HEBP1: variants seen among roughly 807,000 people sequenced by gnomAD.
The protein encoded by HEBP1 is heme binding protein 1.
A neutral mutation model predicts 20.4 loss-of-function variants in HEBP1; 13 were observed. The ratio of observed to expected loss-of-function variants is 0.64; its 90% CI spans 0.42 to 1.01. The LOEUF (loss-of-function observed/expected upper bound fraction) is 1.01, where lower values mean the gene tolerates loss of function less well. Among genes scored for constraint, HEBP1 ranks in the 50% least tolerant of loss-of-function variants. The probability of loss-of-function intolerance (pLI) is 0.00; values close to 1 mark genes in which losing one functional copy is unlikely to be tolerated. For missense variants in HEBP1, 241 were observed against 247.3 expected, an observed-to-expected ratio of 0.97 and a Z score of 0.17; for synonymous variants, 92 against 90.7, an observed-to-expected ratio of 1.01 and a Z score of -0.08.
chr12:13,000,250 G>A lies in HEBP1; in HGVS notation c.-136C>T. 2.8e-6 allele frequency: 1 copy of A among 362,962 alleles called. No homozygotes were observed. The highest frequency in any genetic ancestry group is 8.3e-5 in the South Asian group (1 of 12,082). 22.5% of individuals were successfully genotyped at this position (362,962 alleles called of 1,614,324 possible). ...GGCGGCAGGGTGGCAGGGCGGCAAG[G>A]CGGCGGGACGGCGAGGCGGCGAGGC... On this transcript the variant is annotated 5_prime_UTR_variant, in exon 1 of 4. Transcript: ENST00000014930.
chr12:12,979,067 ATGT>A lies in HEBP1; in HGVS notation c.399-3591_399-3589del, dbSNP rs1354827310. 3 of 152,186 alleles carry A rather than the reference ATGT, an allele frequency of 2.0e-5. No homozygotes were observed. In the East Asian group the frequency reaches 5.8e-4, roughly 29 times the overall value. The allele number at this position is 152,186 out of a possible 1,614,324, so 9.4% of individuals were successfully genotyped here. On this transcript the variant is annotated intron_variant, in intron 3 of 3. Transcript: ENST00000014930. The stretch of plus-strand genomic sequence containing the variant: ...TGGTAAGAAGTGACATGTGGTAGAG[ATGT>A]TGTGCAAACAGCAGGCCAGAAGCTT...
intron 2 of HEBP1, among the ~76,000 whole-genome samples, chr12:12,987,576 G>A (rs78765118): frequency 0.035 from 5,160 of 146,410 alleles, 273 homozygotes; most frequent in African/African-American, 0.12. Context: ...CAAGACTGTA[G>A]ATTATCAGTC....
chr12:12,975,182 G>A lies in HEBP1; in HGVS notation c.*126C>T, dbSNP rs1345075678. ...TTTTTTCAGAAAATTGGCAGTAACT[G>A]ACTTTGAAGGAAAGTTGGTTAAGTT... On this transcript the variant is annotated 3_prime_UTR_variant, in exon 4 of 4. Coordinates refer to ENST00000014930, the MANE Select transcript of HEBP1 (RefSeq NM_015987.5). The A allele has an allele frequency of 1.2e-5, 10 of 845,270 alleles. No individual in the cohort carries two copies. In the South Asian group the frequency reaches 1.5e-4, roughly 13 times the overall value. 52.4% of individuals were successfully genotyped at this position (845,270 alleles called of 1,614,324 possible).
intron 3 of HEBP1, chr12:12,983,979 C>A: frequency 3.3e-6 from 1 of 298,880 alleles, no homozygotes; most frequent in South Asian, 2.9e-5. Context: ...CTCCCGCTGG[C>A]CAACAGTGGG....
intron 3 of HEBP1, among the ~76,000 whole-genome samples, chr12:12,982,745 A>G (rs777569592): frequency 6.6e-6 from 1 of 152,212 alleles, no homozygotes; most frequent in African/African-American, 2.4e-5. Context: ...TACAAAATTC[A>G]TAATTATTGG....
intron 2 of HEBP1, among the ~76,000 whole-genome samples, chr12:12,988,569 A>G (rs564514710): frequency 6.6e-6 from 1 of 152,320 alleles, no homozygotes; most frequent in South Asian, 2.1e-4. Context: ...AAAATTAAAC[A>G]CATCTCTTTT....
chr12:12,997,058 T>C (rs952797826), intron 1 of HEBP1, among the ~76,000 whole-genome samples: 66 of 152,236 alleles, frequency 4.3e-4, no homozygotes, highest in Non-Finnish European at 7.5e-4. Context: ...TTAATACTTA[T>C]AGTAACTCTG....
intron 1 of HEBP1, among the ~76,000 whole-genome samples, chr12:12,993,568 C>T (rs1864255229): frequency 1.3e-5 from 2 of 149,734 alleles, no homozygotes; most frequent in Admixed American, 1.3e-4. Context: ...CTCTCTTTAG[C>T]CACTGTGTTA....
intron 3 of HEBP1, chr12:12,979,476 G>C (rs1864046498): frequency 6.6e-6 from 1 of 152,388 alleles, no homozygotes; most frequent in Non-Finnish European, 1.5e-5. Flanking sequence ...GGAATCCCCT[G>C]GTGTATGAAG....
At chr12:12,975,745 G>T (rs951494717) in intron 3 of HEBP1, among the ~76,000 whole-genome samples, 1 of 152,132 alleles carries the variant, frequency 6.6e-6, no homozygotes, top group African/African-American at 2.4e-5. Context: ...CTAATGCGGG[G>T]CCTGAAACAG....
rs2136553977 is a variant in HEBP1, at chr12:12,998,388, G to A, written c.78+1649C>T. 6.6e-6 allele frequency among the ~76,000 whole-genome samples: 1 copy of A among 152,254 alleles called. No individual in the cohort carries two copies. Among genetic ancestry groups the A allele is most frequent in the Non-Finnish European group, 1.5e-5 (1 of 68,018 alleles). ...TTTTCCTTAAGAATTTGGCAACACT[G>A]TTTCATATATCACTGCATAGCAACA... On this transcript the variant is annotated intron_variant, in intron 1 of 3. Transcript: ENST00000014930. This position sits in a 1 kb window ranked among gnomAD's most constrained non-coding sequence, Gnocchi z 4.2.
Position 12,983,494 on chromosome 12 carries a change from T to G in HEBP1, c.398+3658A>C, listed in dbSNP as rs1270038906. 9.4e-6 allele frequency: 3 copies of G among 317,670 alleles called. No homozygotes were observed. In the Admixed American group the frequency reaches 1.3e-4, roughly 14 times the overall value. The allele number at this position is 317,670 out of a possible 1,614,324, so 19.7% of individuals were successfully genotyped here. A position where few individuals can be genotyped will look rare whatever the true frequency, so the allele number is the denominator to read the frequency against. ...GAATTAATTTTGTCATTGAATGCAC[T>G]CACTGCATTATTTGATAGAGTACTT... On this transcript the variant is annotated intron_variant, in intron 3 of 3. Transcript: ENST00000014930.
chr12:12,995,456 A>C (rs1864277596), intron 1 of HEBP1, among the ~76,000 whole-genome samples: 1 of 152,226 alleles, frequency 6.6e-6, no homozygotes, highest in East Asian at 1.9e-4. Context: ...TCTAATGACA[A>C]GGAATACAAG....
At position 12,996,408 on chromosome 12, in the gene HEBP1, C is replaced by T. The variant is rs1166258098; in HGVS notation, c.78+3629G>A. 6.6e-6 allele frequency among the ~76,000 whole-genome samples: 1 copy of T among 152,194 alleles called. No homozygotes were observed. On this transcript the variant is annotated intron_variant, in intron 1 of 3. Transcript: ENST00000014930. This position sits in a 1 kb window ranked among gnomAD's most constrained non-coding sequence, Gnocchi z 4.1. ...ACACAGAGAGCTGTCTACCCTCCTC[C>T]CTCCCTGAGCAATTAAGAAGGCACC...
intron 1 of HEBP1, among the ~76,000 whole-genome samples, chr12:12,990,271 C>T (rs1263741101): frequency 2.6e-5 from 4 of 151,784 alleles, no homozygotes; most frequent in Admixed American, 6.6e-5. Context: ...TGAGCTCAAG[C>T]GATCCTCCTA....
intron 1 of HEBP1, among the ~76,000 whole-genome samples, chr12:12,989,875 T>G (rs977199060): frequency 6.6e-5 from 10 of 152,092 alleles, no homozygotes; most frequent in Non-Finnish European, 1.3e-4. Context: ...TTAGGCTCAT[T>G]CTAGTAGGAG....
Position 13,000,239 on chromosome 12 carries a change from AGGGCGGC to A in HEBP1, c.-132_-126del. 2.8e-6 allele frequency: 1 copy of A among 360,468 alleles called. No individual in the cohort carries two copies. 22.3% of individuals were successfully genotyped at this position (360,468 alleles called of 1,614,324 possible). A position where few individuals can be genotyped will look rare whatever the true frequency, so the allele number is the denominator to read the frequency against. On this transcript the variant is annotated 5_prime_UTR_variant, in exon 1 of 4. Transcript: ENST00000014930. ...CAGGGCGGCAGGGCGGCAGGGTGGC[AGGGCGGC>A]AAGGCGGCGGGACGGCGAGGCGGCG...
chr12:12,992,662 C>G (rs949638765), intron 1 of HEBP1, among the ~76,000 whole-genome samples: 2 of 152,168 alleles, frequency 1.3e-5, no homozygotes, highest in Non-Finnish European at 2.9e-5. Flanking sequence ...GTGAAGCCCT[C>G]CATCTGGTGA....
At chr12:12,993,328 C>T (rs1864249524) in intron 1 of HEBP1, among the ~76,000 whole-genome samples, 1 of 152,080 alleles carries the variant, frequency 6.6e-6, no homozygotes, top group African/African-American at 2.4e-5. Context: ...GTGTGTGCCA[C>T]CATGCCCAGC....
Sources: allele counts gnomAD v4.1 joint callset (sites outside exome capture counted in the v4.1 genomes callset), GRCh38; gene constraint gnomAD v4.1.1; non-coding constraint Gnocchi (gnomAD v3.1); transcripts MANE v1.5; gene names NCBI Gene and HGNC (gene_info 2026-07-23, HGNC 2026-07-21).